The following DNAAF5 variants were observed in gnomAD, a reference collection of about 807,000 sequenced individuals.
DNAAF5 encodes dynein axonemal assembly factor 5.
Under a neutral mutation model 75.8 loss-of-function variants are expected in DNAAF5, and 64 were observed. The observed-to-expected ratio is 0.84, with a 90% confidence interval of 0.69 to 1.04. The LOEUF is 1.04. DNAAF5 is among the 50% of genes least tolerant of loss of function. DNAAF5 has a pLI of 0.00. For synonymous variants in DNAAF5, 657 were observed against 557.2 expected, an observed-to-expected ratio of 1.18 and a Z score of -2.52; for missense variants, 1,269 against 1,178.5, an observed-to-expected ratio of 1.08 and a Z score of -1.12.
At chr7:762,387 T>C (rs1432262286) in intron 7 of DNAAF5, among the ~76,000 whole-genome samples, 1 of 151,080 alleles carries the variant, frequency 6.6e-6, no homozygotes, top group Non-Finnish European at 1.5e-5. Flanking sequence ...CTCAGGAGGC[T>C]GAGGCAGGAA....
At chr7:769,339 G>C (rs1778474146) in intron 8 of DNAAF5, 1 of 632,636 alleles carries the variant, frequency 1.6e-6, no homozygotes, top group Non-Finnish European at 2.9e-6. Flanking sequence ...GCTGAGCCTG[G>C]CAGGAGACGC....
chr7:746,745 C>G (rs985026614), intron 4 of DNAAF5, among the ~76,000 whole-genome samples: 2 of 152,070 alleles, frequency 1.3e-5, no homozygotes, highest in Admixed American at 1.3e-4. Flanking sequence ...GCTGCATTCA[C>G]CCTTCAGGGC....
chr7:728,473 G>A lies in DNAAF5; in HGVS notation c.595+1158G>A, dbSNP rs144136709. Reference sequence around the variant, plus strand: ...AATAGATTCCAGAAGTAGAGGAAGAGCTGGACTTGGGGAAATGCCGAGATT... The same window carrying A: ...AATAGATTCCAGAAGTAGAGGAAGAACTGGACTTGGGGAAATGCCGAGATT... On this transcript the variant is annotated intron_variant, in intron 1 of 12. Coordinates refer to ENST00000297440, the MANE Select transcript of DNAAF5 (RefSeq NM_017802.4). Among the ~76,000 whole-genome samples the A allele has an allele frequency of 4.6e-5, 7 of 152,244 alleles. No individual in the cohort carries two copies. In the East Asian group the frequency reaches 1.2e-3, roughly 25 times the overall value.
chr7:767,626 G>A (rs1173857394), intron 8 of DNAAF5, among the ~76,000 whole-genome samples: 1 of 152,062 alleles, frequency 6.6e-6, no homozygotes, highest in Non-Finnish European at 1.5e-5. Flanking sequence ...GGTGTGGTGT[G>A]ATATGGAGGG....
chr7:729,887 A>C, intron 2 of DNAAF5, 40 bp downstream of exon 2: 3 of 1,598,166 alleles, frequency 1.9e-6, no homozygotes, highest in Non-Finnish European at 8.6e-7. Flanking sequence ...TCCTCTCTCC[A>C]ACACAGGCGG....
Position 729,727 on chromosome 7 carries a change from C to T in DNAAF5, c.660C>T (p.His220=), listed in dbSNP as rs1466828166. The T allele has an allele frequency of 5.0e-6, 8 of 1,614,150 alleles. No homozygotes were observed. Among genetic ancestry groups the T allele is most frequent in the Non-Finnish European group, 6.8e-6 (8 of 1,180,030 alleles). ...TGATGCAGACCATCTCCCACCAGCA[C>T]TGGAAGGTCCGTGTGGCCGCCATTG... ...GPLMQTISHQ[H]WKVRVAAIEA... is the part of the protein sequence containing the mutation. Residue 220 remains histidine (H), a synonymous_variant, in exon 2 of 13, where the codon CAC becomes CAT. Transcript: ENST00000297440.
intron 4 of DNAAF5, among the ~76,000 whole-genome samples, chr7:746,324 T>A (rs573746216): frequency 8.2e-5 from 8 of 97,272 alleles, no homozygotes; most frequent in African/African-American, 2.4e-4. Flanking sequence ...CCCCCGCCCG[T>A]CATGCCCAGG....
chr7:745,502 C>T (rs1715267408), intron 4 of DNAAF5, among the ~76,000 whole-genome samples: 1 of 152,150 alleles, frequency 6.6e-6, no homozygotes, highest in African/African-American at 2.4e-5. Flanking sequence ...GCATATCGCA[C>T]ACACGTGCAC....
At chr7:738,363 T>C (rs780927758) in intron 2 of DNAAF5, among the ~76,000 whole-genome samples, 2 of 152,280 alleles carry the variant, frequency 1.3e-5, no homozygotes, top group Middle Eastern at 6.8e-3. Context: ...AATAGCTATT[T>C]TGAGTTTTCT....
At chr7:741,601 C>T in intron 4 of DNAAF5, 136 bp downstream of exon 4, 1 of 611,478 alleles carries the variant, frequency 1.6e-6, no homozygotes, top group East Asian at 2.8e-5. Flanking sequence ...GCAGGCGTCT[C>T]CCCACTGGGC....
chr7:733,391 G>T (rs896679792), intron 2 of DNAAF5, among the ~76,000 whole-genome samples: 7 of 152,198 alleles, frequency 4.6e-5, no homozygotes, highest in African/African-American at 1.7e-4. Flanking sequence ...GCTTTGGGTA[G>T]TATGGACATT....
intron 12 of DNAAF5, among the ~76,000 whole-genome samples, chr7:783,069 T>C (rs1779028296): frequency 6.6e-6 from 1 of 152,252 alleles, no homozygotes; most frequent in Admixed American, 6.5e-5. Context: ...ATTTTTTGTG[T>C]GAGAGCTTGA....
At chr7:731,930 A>T (rs1023246956) in intron 2 of DNAAF5, among the ~76,000 whole-genome samples, 1 of 151,940 alleles carries the variant, frequency 6.6e-6, no homozygotes, top group African/African-American at 2.4e-5. Context: ...CCCCCTCAAC[A>T]ACCCAGGGAC....
chr7:736,668 T>C (rs1361679799), intron 2 of DNAAF5, among the ~76,000 whole-genome samples: 1 of 152,228 alleles, frequency 6.6e-6, no homozygotes, highest in Non-Finnish European at 1.5e-5. Flanking sequence ...AGCCGCTCTG[T>C]CTTTTGAATG....
intron 2 of DNAAF5, among the ~76,000 whole-genome samples, chr7:730,975 A>T (rs942513203): frequency 6.6e-6 from 1 of 152,224 alleles, no homozygotes; most frequent in East Asian, 1.9e-4. Flanking sequence ...GTCAGTGTCC[A>T]TGCTGCCCGG....
chr7:738,394 C>CT (rs1001223448), intron 2 of DNAAF5, among the ~76,000 whole-genome samples: 1 of 152,138 alleles, frequency 6.6e-6, no homozygotes, highest in African/African-American at 2.4e-5. Context: ...TCACCTATCC[C>CT]TGTCACCCCA....
intron 8 of DNAAF5, among the ~76,000 whole-genome samples, chr7:766,286 A>AT (rs1401653987): frequency 6.6e-6 from 1 of 151,984 alleles, no homozygotes; most frequent in Admixed American, 6.6e-5. Flanking sequence ...TTTCTTCTTT[A>AT]TTTTTTTCTA....
At position 761,785 on chromosome 7, in the gene DNAAF5, G is replaced by A; in HGVS notation, c.1503G>A (p.Val501=). The change falls in exon 7 of 13, where the codon GTG becomes GTA. Residue 501 remains valine, a synonymous_variant. Transcript: ENST00000297440. ...DLYLERLLLC[V]QALVSVCHED... ...ACCTGGAGCGCCTGCTGCTGTGTGT[G>A]CAGGCTCTGGTGTCTGTGTGTCATG... 6.2e-7 allele frequency: 1 copy of A among 1,608,864 alleles called. No homozygotes were observed. Among genetic ancestry groups the A allele is most frequent in the Non-Finnish European group, 8.5e-7 (1 of 1,177,736 alleles).
chr7:745,327 C>T (rs965143573), intron 4 of DNAAF5, among the ~76,000 whole-genome samples: 11 of 152,164 alleles, frequency 7.2e-5, no homozygotes, highest in South Asian at 2.1e-4. Flanking sequence ...CGCTGTGCAC[C>T]GGAGAGGGAG....
Sources: gnomAD v4.1 joint callset for allele counts (sites outside exome capture counted in the v4.1 genomes callset) on GRCh38, gnomAD v4.1.1 for gene constraint, MANE v1.5 for transcripts, NCBI Gene and HGNC (gene_info 2026-07-23, HGNC 2026-07-21) for gene names.